The following TBCK variants were observed in gnomAD, a reference collection of about 807,000 sequenced individuals.
The protein encoded by TBCK is TBC1 domain containing kinase.
In TBCK, 99 loss-of-function variants were observed where a neutral mutation model predicts 113.4. That is an observed-to-expected ratio of 0.87 (90% CI 0.74 to 1.03). TBCK has a LOEUF of 1.03. Ranked by LOEUF, TBCK falls within the 50% of genes least tolerant of loss-of-function variation. The pLI, the probability that TBCK is intolerant of heterozygous loss-of-function variation, is 0.00. For synonymous variants in TBCK, 369 were observed against 370.8 expected, an observed-to-expected ratio of 1.00 and a Z score of 0.05; for missense variants, 1,045 against 1,061.3, an observed-to-expected ratio of 0.98 and a Z score of 0.21.
At position 106,227,023 on chromosome 4, in the gene TBCK, C is replaced by T. The variant is rs376004649; in HGVS notation, c.1774+3340G>A. ...AACTTCCACTACAAAATGCACTCCT[C>T]CTTAATTAGAAAAAGTCAAAGCAAA... On this transcript the variant is annotated intron_variant, in intron 19 of 25. Coordinates refer to ENST00000394708, the MANE Select transcript of TBCK (RefSeq NM_001163435.3). Among the ~76,000 whole-genome samples the T allele has an allele frequency of 2.0e-3, 305 of 152,170 alleles. 2 individuals are homozygous for T. The highest frequency in any genetic ancestry group is 6.4e-3 in the African/African-American group (265 of 41,536).
intron 12 of TBCK, among the ~76,000 whole-genome samples, chr4:106,237,212 T>G (rs1759575361): frequency 1.3e-5 from 2 of 152,100 alleles, no homozygotes; most frequent in Non-Finnish European, 2.9e-5. Flanking sequence ...TAGATTTATT[T>G]TTGCTTTGGC....
At chr4:106,129,026 T>C (rs1032604491) in intron 23 of TBCK, among the ~76,000 whole-genome samples, 3 of 152,218 alleles carry the variant, frequency 2.0e-5, no homozygotes, top group Non-Finnish European at 4.4e-5. Context: ...ATTCTATTCT[T>C]TTATTTTGTT....
At chr4:106,255,361 G>A (rs763199641) in intron 5 of TBCK, among the ~76,000 whole-genome samples, 8 of 152,192 alleles carry the variant, frequency 5.3e-5, no homozygotes, top group Non-Finnish European at 7.3e-5. Flanking sequence ...TGGATGCCAC[G>A]CGGCCAAGGG....
Position 106,314,420 on chromosome 4 carries a change from G to GAAAAAGAATT in TBCK, c.-30+1501_-30+1510dup, listed in dbSNP as rs1468739194. 2.3e-4 allele frequency among the ~76,000 whole-genome samples: 35 copies of GAAAAAGAATT among 152,102 alleles called. No individual in the cohort carries two copies. The East Asian group carries it at 6.0e-3, about 26-fold the overall frequency. On this transcript the variant is annotated intron_variant, in intron 1 of 25. Coordinates refer to ENST00000394708, the MANE Select transcript of TBCK (RefSeq NM_001163435.3). ...TGTGGGCTATTTCTAGAAGTCAACG[G>GAAAAAGAATT]AAAAAGAATTAGCAGTTCAACTTAG...
chr4:106,098,726 A>G (rs1003514492), intron 24 of TBCK, among the ~76,000 whole-genome samples: 1 of 152,116 alleles, frequency 6.6e-6, no homozygotes, highest in African/African-American at 2.4e-5. Context: ...TGAATGCACT[A>G]CAGGATATAT....
chr4:106,067,873 C>T (rs1010421451), intron 25 of TBCK, among the ~76,000 whole-genome samples: 4 of 152,046 alleles, frequency 2.6e-5, no homozygotes, highest in East Asian at 1.9e-4. Context: ...ATGCCTGTAT[C>T]GTTTTGATTA....
chr4:106,248,407 G>T, intron 8 of TBCK, 101 bp from the exon 9 acceptor site: 2 of 826,844 alleles, frequency 2.4e-6, no homozygotes, highest in Non-Finnish European at 3.6e-6. Context: ...TGTTTTTAAA[G>T]TTTTTATTTG....
chr4:106,290,218 C>T (rs1326786813), intron 3 of TBCK, among the ~76,000 whole-genome samples: 1 of 152,102 alleles, frequency 6.6e-6, no homozygotes, highest in African/African-American at 2.4e-5. Context: ...CACTCTGTTG[C>T]CCAGGCTGGA....
chr4:106,252,086 G>A (rs893709630), intron 5 of TBCK, 79 bp from the exon 6 acceptor site: 2 of 1,205,760 alleles, frequency 1.7e-6, no homozygotes, highest in East Asian at 4.9e-5. Context: ...AATGTGGTAA[G>A]ATCTATGTAA....
intron 23 of TBCK, among the ~76,000 whole-genome samples, chr4:106,150,850 A>G (rs1326946172): frequency 6.6e-6 from 1 of 152,110 alleles, no homozygotes; most frequent in Non-Finnish European, 1.5e-5. Flanking sequence ...TAACACTAGT[A>G]TAACCTTTTT....
chr4:106,277,273 A>C (rs1325669504), intron 3 of TBCK, among the ~76,000 whole-genome samples: 1 of 152,176 alleles, frequency 6.6e-6, no homozygotes, highest in Non-Finnish European at 1.5e-5. Context: ...AAAAGGTCTA[A>C]TGGTGTTTCT....
intron 25 of TBCK, among the ~76,000 whole-genome samples, chr4:106,047,394 T>C (rs1734338648): frequency 6.6e-6 from 1 of 152,222 alleles, no homozygotes; most frequent in South Asian, 2.1e-4. Context: ...CAATATAGCA[T>C]ACTGCTTTAT....
intron 11 of TBCK, 89 bp from the exon 12 acceptor site, chr4:106,242,658 C>T (rs1291569121): frequency 1.3e-6 from 1 of 758,376 alleles, no homozygotes; most frequent in Non-Finnish European, 2.0e-6. Flanking sequence ...GTCATCAATC[C>T]CTTCATCAAA....
chr4:106,171,750 A>T (rs1339395707), intron 22 of TBCK, among the ~76,000 whole-genome samples: 1 of 152,166 alleles, frequency 6.6e-6, no homozygotes, highest in Non-Finnish European at 1.5e-5. Flanking sequence ...AGTAAAGTGA[A>T]CTGACAGTTT....
At chr4:106,060,018 A>G (rs1384057157) in intron 25 of TBCK, among the ~76,000 whole-genome samples, 1 of 151,746 alleles carries the variant, frequency 6.6e-6, no homozygotes, top group Non-Finnish European at 1.5e-5. Context: ...CTCCAATTCT[A>G]TGAAGGCTGT....
intron 19 of TBCK, among the ~76,000 whole-genome samples, chr4:106,223,343 T>A (rs1007779296): frequency 2.0e-5 from 3 of 152,138 alleles, no homozygotes; most frequent in African/African-American, 7.2e-5. Flanking sequence ...GACTTTAGAC[T>A]TTGTATGTCT....
At chr4:106,222,073 G>A (rs1425762171) in intron 19 of TBCK, among the ~76,000 whole-genome samples, 1 of 151,906 alleles carries the variant, frequency 6.6e-6, no homozygotes, top group Non-Finnish European at 1.5e-5. Context: ...CTATATAGAG[G>A]TAAATGGTAT....
rs1027749782 is a variant in TBCK at position 106,221,255 on chromosome 4, G to C, written c.1775-8420C>G. Among the ~76,000 whole-genome samples the C allele has an allele frequency of 7.2e-5, 11 of 152,118 alleles. 1 individual carries two copies. The highest frequency in any genetic ancestry group is 6.6e-4 in the Admixed American group (10 of 15,262). On this transcript the variant is annotated intron_variant, in intron 19 of 25. Coordinates refer to ENST00000394708, the MANE Select transcript of TBCK (RefSeq NM_001163435.3). ...CCGGCTTGGCCTCCCAAAGTGCTGG[G>C]ATTGCAGGCATGAGCCACTGTGCCT...
intron 9 of TBCK, chr4:106,247,678 CA>C (rs1366640092): frequency 4.4e-5 from 7 of 159,950 alleles, no homozygotes; most frequent in Admixed American, 1.3e-4. Context: ...TACATTGACA[CA>C]AAACTATTTC....
Sources: allele counts gnomAD v4.1 joint callset (sites outside exome capture counted in the v4.1 genomes callset), GRCh38; gene constraint gnomAD v4.1.1; transcripts MANE v1.5; gene names NCBI Gene and HGNC (gene_info 2026-07-23, HGNC 2026-07-21).